The following AFAP1L2 variants were observed in gnomAD, a reference collection of about 807,000 sequenced individuals.
AFAP1L2 encodes actin filament-associated protein 1-like 2.
A neutral mutation model predicts 99.3 loss-of-function variants in AFAP1L2; 46 were observed. The ratio of observed to expected loss-of-function variants is 0.46; its 90% confidence interval spans 0.37 to 0.59. The LOEUF is 0.59. Among genes scored for constraint, AFAP1L2 ranks in the 20% least tolerant of loss-of-function variants. The probability of loss-of-function intolerance (pLI) is 0.00; values close to 1 mark genes in which losing one functional copy is unlikely to be tolerated. For synonymous variants in AFAP1L2, 397 were observed against 419.1 expected (o/e 0.95, Z 0.64); for missense variants, 959 against 1,034.9 (o/e 0.93, Z 1.01).
chr10:114,398,793 C>T lies in AFAP1L2; in HGVS notation c.16+5647G>A, dbSNP rs540955449. On this transcript the variant is annotated intron_variant, in intron 1 of 18. Transcript: ENST00000304129. ...ATGGGCAGAGCCAGGTCTGCACCCTCGGGAGCCCTGGAGGCCAGGTGAGCT... is the reference window on the plus strand; with the variant it reads ...ATGGGCAGAGCCAGGTCTGCACCCTTGGGAGCCCTGGAGGCCAGGTGAGCT... 494 of 1,294,018 alleles carry T rather than the reference C, an allele frequency of 3.8e-4. 1 individual carries two copies. The African/African-American group carries it at 7.0e-3, about 18-fold the overall frequency. 80.2% of individuals were successfully genotyped at this position (1,294,018 alleles called of 1,614,324 possible). A position where few individuals can be genotyped will look rare whatever the true frequency, so the allele number is the denominator to read the frequency against.
At chr10:114,399,285 G>A (rs2138379093) in intron 1 of AFAP1L2, among the ~76,000 whole-genome samples, 1 of 152,308 alleles carries the variant, frequency 6.6e-6, no homozygotes, top group Non-Finnish European at 1.5e-5. Context: ...CGATGTGCTA[G>A]GCATTAATGA....
At chr10:114,293,795 G>A (rs925177597), downstream of AFAP1L2, among the ~76,000 whole-genome samples, 2 of 152,134 alleles carry the variant, frequency 1.3e-5, no homozygotes, top group African/African-American at 4.8e-5. Context: ...ATTTCCAAAT[G>A]ATGCTAGTTT....
intron 1 of AFAP1L2, among the ~76,000 whole-genome samples, chr10:114,397,994 C>T (rs1483294089): frequency 6.6e-6 from 1 of 152,190 alleles, no homozygotes; most frequent in Non-Finnish European, 1.5e-5. Flanking sequence ...CCAGACTCCC[C>T]TGAGAGATGT....
At chr10:114,308,049 TAC>T (rs1320981728) in intron 9 of AFAP1L2, 140 bp from the exon 10 acceptor site, 401 of 694,348 alleles carry the variant, frequency 5.8e-4, no homozygotes, top group Non-Finnish European at 7.1e-4. Flanking sequence ...TATGCACGCA[TAC>T]ACACACACAC....
chr10:114,315,074 G>T (rs940374727), intron 6 of AFAP1L2, among the ~76,000 whole-genome samples: 13 of 152,160 alleles, frequency 8.5e-5, no homozygotes. Context: ...CCAGGAGGTG[G>T]AGCTTGCAGT....
chr10:114,398,734 G>C (rs1590891199), intron 1 of AFAP1L2: 6 of 986,598 alleles, frequency 6.1e-6, no homozygotes, highest in Non-Finnish European at 8.2e-6. Context: ...CCGGTGCCCA[G>C]CTCCTTGATC....
At chr10:114,355,084 G>A (rs1029190046) in intron 1 of AFAP1L2, among the ~76,000 whole-genome samples, 3 of 152,134 alleles carry the variant, frequency 2.0e-5, no homozygotes, top group Non-Finnish European at 2.9e-5. Context: ...TAATTATCCT[G>A]GATAAACCAT....
At chr10:114,348,017 G>A (rs931150740) in intron 1 of AFAP1L2, among the ~76,000 whole-genome samples, 2 of 152,002 alleles carry the variant, frequency 1.3e-5, no homozygotes, top group African/African-American at 2.4e-5. Flanking sequence ...ATCTGCTTTC[G>A]GTCCAGTGGA....
At position 114,340,676 on chromosome 10, in the gene AFAP1L2, C is replaced by A; in HGVS notation, c.72G>T (p.Glu24Asp). The change falls in exon 2 of 19, where the codon GAG becomes GAT. Residue 24 changes from glutamate (E) to aspartate (D), a missense_variant. By Grantham distance (45) the Glu-to-Asp change is conservative. This residue lies in a region of AFAP1L2 where 383 missense variants were observed against 472.8 expected (regional missense o/e 0.81). Transcript: ENST00000304129. The stretch of plus-strand genomic sequence containing the variant: ...TCACCAGTGCTGTGCTGCTCAGGTT[C>A]TCCTGGTCAAGAATCTTGAGGAAGT... ...LDDFLKILDQENLSSTALVKK... is the reference protein window; with the variant it reads ...LDDFLKILDQDNLSSTALVKK... 1 of 1,614,196 alleles carries A rather than the reference C, an allele frequency of 6.2e-7. No individual in the cohort carries two copies. Among genetic ancestry groups the A allele is most frequent in the East Asian group, 2.2e-5 (1 of 44,886 alleles).
intron 16 of AFAP1L2, among the ~76,000 whole-genome samples, chr10:114,297,691 A>C (rs1055132853): frequency 6.6e-6 from 1 of 152,216 alleles, no homozygotes; most frequent in South Asian, 2.1e-4. Context: ...AGGTTCTCAG[A>C]GACTCTTGGT....
chr10:114,365,291 G>A (rs535392613), intron 1 of AFAP1L2, among the ~76,000 whole-genome samples: 1 of 152,232 alleles, frequency 6.6e-6, no homozygotes, highest in Non-Finnish European at 1.5e-5. Flanking sequence ...ATACGCTCGT[G>A]GCTCCTCCAG....
chr10:114,393,654 A>G (rs2057383577), intron 1 of AFAP1L2: 1 of 152,182 alleles, frequency 6.6e-6, no homozygotes, highest in Non-Finnish European at 1.5e-5. Context: ...CTCAAAAGCA[A>G]CAGCCTGAAT....
intron 11 of AFAP1L2, among the ~76,000 whole-genome samples, chr10:114,304,505 A>ACT (rs2041793548): frequency 6.6e-6 from 1 of 152,232 alleles, no homozygotes; most frequent in Non-Finnish European, 1.5e-5. Context: ...TGCAGGAAGT[A>ACT]GCGCATGGTT....
At chr10:114,362,083 A>G (rs1428936670) in intron 1 of AFAP1L2, among the ~76,000 whole-genome samples, 2 of 152,202 alleles carry the variant, frequency 1.3e-5, no homozygotes, top group Non-Finnish European at 2.9e-5. Context: ...GAACTTCAGC[A>G]AGTTTTATCG....
chr10:114,305,524 G>C (rs1353961711), intron 10 of AFAP1L2, among the ~76,000 whole-genome samples: 16 of 144,532 alleles, frequency 1.1e-4, no homozygotes, highest in South Asian at 4.6e-4. Context: ...AGGGGGTGCA[G>C]GTACAGGAGG....
intron 4 of AFAP1L2, among the ~76,000 whole-genome samples, chr10:114,330,943 A>T (rs891155096): frequency 6.6e-6 from 1 of 152,118 alleles, no homozygotes; most frequent in Non-Finnish European, 1.5e-5. Flanking sequence ...GGGATGCCTT[A>T]CTTAGCCAGG....
intron 1 of AFAP1L2, among the ~76,000 whole-genome samples, chr10:114,370,900 C>G (rs2054002754): frequency 6.6e-6 from 1 of 152,348 alleles, no homozygotes; most frequent in South Asian, 2.1e-4. Context: ...TTCCATAAAT[C>G]CCATGTAACC....
chr10:114,289,279 G>A, the AFAP1L2 span: 1 of 1,614,092 alleles, frequency 6.2e-7, no homozygotes, highest in African/African-American at 1.3e-5. Context: ...AGCTGTGGTG[G>A]TGCTCACAGG....
intron 1 of AFAP1L2, among the ~76,000 whole-genome samples, chr10:114,374,047 G>A (rs1460122888): frequency 6.6e-6 from 1 of 152,010 alleles, no homozygotes. Context: ...ATATCAGAGT[G>A]ACAACACACA....
Sources: allele counts gnomAD v4.1 joint callset (sites outside exome capture counted in the v4.1 genomes callset), GRCh38; gene constraint gnomAD v4.1.1; regional missense constraint gnomAD v4.1.1; transcripts MANE v1.5; gene names NCBI Gene and HGNC (gene_info 2026-07-23, HGNC 2026-07-21).